The following TSC2 variants were observed in gnomAD, a reference collection of about 807,000 sequenced individuals.
The protein encoded by TSC2 is TSC complex subunit 2, also known as tuberin.
In TSC2, 29 loss-of-function variants were observed where a neutral mutation model predicts 202.2. That is an observed-to-expected ratio of 0.14 (90% CI 0.11 to 0.20). The LOEUF is 0.20. Ranked by LOEUF, TSC2 falls within the 10% of genes least tolerant of loss-of-function variation. TSC2 has a pLI of 1.00. For missense variants in TSC2, 2,429 were observed against 2,420.0 expected (o/e 1.00, Z -0.08); for synonymous variants, 1,349 against 1,044.0 (o/e 1.29, Z -5.63).
chr16:2,075,123 G>A (rs1239289382), intron 22 of TSC2: 1 of 156,484 alleles, frequency 6.4e-6, no homozygotes, highest in Non-Finnish European at 1.4e-5. Context: ...GGCTAAGGCA[G>A]GAGGCAGGAG....
In TSC2 at chr16:2,065,678, G is replaced by T. The variant is rs375113234; in HGVS notation, c.1716+43G>T. ...GGCCTCTGCTCCCGGGGCGCGCATG[G>T]CTAGCGTCCACCAGCTGCATCTGCG... On this transcript the variant is annotated intron_variant, in intron 16 of 41. Coordinates refer to ENST00000219476, the MANE Select transcript of TSC2 (RefSeq NM_000548.5). The T allele has an allele frequency of 5.9e-6, 9 of 1,533,164 alleles. No individual in the cohort carries two copies. The African/African-American group carries it at 1.2e-4, about 21-fold the overall frequency. 95.0% of individuals were successfully genotyped at this position (1,533,164 alleles called of 1,614,324 possible).
intron 9 of TSC2, among the ~76,000 whole-genome samples, chr16:2,057,454 C>A (rs60154230): frequency 6.6e-6 from 1 of 152,248 alleles, no homozygotes; most frequent in East Asian, 1.9e-4. Flanking sequence ...TAGCCTGTTA[C>A]AAGGCGAGGC....
rs1233400271 is a variant in TSC2 at position 2,081,625 on chromosome 16, A to G, written c.3641A>G (p.Asn1214Ser). 1 of 1,612,822 alleles carries G rather than the reference A, an allele frequency of 6.2e-7. No homozygotes were observed. Among genetic ancestry groups the G allele is most frequent in the Non-Finnish European group, 8.5e-7 (1 of 1,179,986 alleles). Reference protein sequence around the residue: ...GNTSWLMSLENPLSPFSSDIN... With the variant: ...GNTSWLMSLESPLSPFSSDIN... Reference sequence around the variant, plus strand: ...ACCAGCTGGCTGATGAGCCTGGAGAACCCGCTCAGCCCTTTCTCCTCGGAC... The same window carrying G: ...ACCAGCTGGCTGATGAGCCTGGAGAGCCCGCTCAGCCCTTTCTCCTCGGAC... Residue 1214 changes from asparagine (N) to serine (S), a missense_variant, in exon 31 of 42, where the codon AAC becomes AGC. Coordinates refer to ENST00000219476, the MANE Select transcript of TSC2 (RefSeq NM_000548.5).
chr16:2,082,137 C>T (rs1387326299), intron 31 of TSC2: 1 of 591,402 alleles, frequency 1.7e-6, no homozygotes, highest in Admixed American at 3.0e-5. Flanking sequence ...CTGAGCCCGC[C>T]TGCGCACTCT....
rs1280749336 is a variant in TSC2 at position 2,080,211 on chromosome 16, G to T, written c.3444G>T (p.Gln1148His). 2.5e-6 allele frequency: 4 copies of T among 1,612,884 alleles called. No homozygotes were observed. ...RVGALDVPASQFLGSATSPGP... is the reference protein window; with the variant it reads ...RVGALDVPASHFLGSATSPGP... ...GCGCCCTGGACGTGCCGGCCTCCCAGTTCCTGGGCAGTGCCACTTCTCCAG... is the reference window on the plus strand; with the variant it reads ...GCGCCCTGGACGTGCCGGCCTCCCATTTCCTGGGCAGTGCCACTTCTCCAG... Residue 1148 changes from glutamine to histidine, a missense_variant, in exon 30 of 42, where the codon CAG becomes CAT. Coordinates refer to ENST00000219476, the MANE Select transcript of TSC2 (RefSeq NM_000548.5).
intron 21 of TSC2, among the ~76,000 whole-genome samples, chr16:2,073,558 C>T (rs1442557476): frequency 6.6e-6 from 1 of 152,146 alleles, no homozygotes; most frequent in Non-Finnish European, 1.5e-5. Context: ...CCCCGGGCCT[C>T]AGCTTCTGAT....
chr16:2,061,340 GGCCGGGACTTC>G (rs768454066), intron 11 of TSC2: 11 of 286,260 alleles, frequency 3.8e-5, no homozygotes, highest in African/African-American at 6.5e-5. Context: ...GCAGAAGGGA[GGCCGGGACTTC>G]GCCGGGACTT....
At chr16:2,083,609 C>T in intron 32 of TSC2, 86 bp from the exon 33 acceptor site, 1 of 1,543,226 alleles carries the variant, frequency 6.5e-7, no homozygotes, top group South Asian at 1.2e-5. Flanking sequence ...TCCCTCTGGT[C>T]AGGAGAAGGC....
chr16:2,067,854 A>T (rs182835315), intron 16 of TSC2, among the ~76,000 whole-genome samples: 32 of 152,200 alleles, frequency 2.1e-4, no homozygotes, highest in African/African-American at 7.7e-4. Flanking sequence ...ACTGGTTGGG[A>T]AGGGGTGTGC....
intron 17 of TSC2, 75 bp from the exon 18 acceptor site, chr16:2,071,435 C>A: frequency 6.6e-7 from 1 of 1,522,444 alleles, no homozygotes; most frequent in Non-Finnish European, 9.0e-7. Flanking sequence ...GGACGTGGGT[C>A]TGAGCAGGTG....
At chr16:2,070,299 GGA>G (rs144616711) in intron 16 of TSC2, among the ~76,000 whole-genome samples, 155 bp from the exon 17 acceptor site, 1,729 of 152,302 alleles carry the variant, frequency 0.011, 31 homozygotes, top group African/African-American at 0.039. Context: ...TTGCTGCTGT[GGA>G]GAGAGAGTCC....
Position 2,083,678 on chromosome 16 carries a change from C to A in TSC2, c.3884-17C>A, listed in dbSNP as rs45517317. On this transcript the variant is annotated splice_polypyrimidine_tract_variant and intron_variant, in intron 32 of 41. Coordinates refer to ENST00000219476, the MANE Select transcript of TSC2 (RefSeq NM_000548.5). ...GGCCCAGCCCCACATCCAGCAGCCC[C>A]GTCTGTGTCCTCCCAGACTCCGCCG... 7 of 1,569,834 alleles carry A rather than the reference C, an allele frequency of 4.5e-6. No individual in the cohort carries two copies. The East Asian group carries it at 1.6e-4, about 37-fold the overall frequency.
rs759520580 is a variant in TSC2, at chr16:2,088,319, C to CCAGCGGGTAGGGAATATGGGGCTCCCT, written c.5259+2_5259+28dup. The CCAGCGGGTAGGGAATATGGGGCTCCCT allele has an allele frequency of 5.1e-5, 83 of 1,612,656 alleles. No individual in the cohort carries two copies. The highest frequency in any genetic ancestry group is 2.7e-4 in the Admixed American group (16 of 60,014). ...GGCTCCGCCACATCAAGCGGCTCCG[C>CCAGCGGGTAGGGAATATGGGGCTCCCT]CAGCGGGTAGGGAATATGGGGCTCC... On this transcript the variant is annotated inframe_insertion, in exon 41 of 42. Transcript: ENST00000219476.
chr16:2,064,613 T>TTTCAGTCAG, intron 15 of TSC2, 186 bp downstream of exon 15: 1 of 869,028 alleles, frequency 1.2e-6, no homozygotes, highest in Non-Finnish European at 1.8e-6. Context: ...ATTTGTGTCC[T>TTTCAGTCAG]GACTGAAAGT....
intron 16 of TSC2, among the ~76,000 whole-genome samples, chr16:2,069,690 C>T (rs1452091285): frequency 6.6e-6 from 1 of 152,216 alleles, no homozygotes; most frequent in Non-Finnish European, 1.5e-5. Context: ...CCATGTTAGC[C>T]AGGATGGTCT....
At position 2,079,289 on chromosome 16, in the gene TSC2, G is replaced by A. The variant is rs796053492; in HGVS notation, c.3145G>A (p.Glu1049Lys). The change falls in exon 28 of 42, where the codon GAG becomes AAG. Residue 1049 changes from glutamate to lysine, a missense_variant. Physicochemically the swap from Glu to Lys is moderately conservative, Grantham distance 56. Coordinates refer to ENST00000219476, the MANE Select transcript of TSC2 (RefSeq NM_000548.5). This position sits in a 1 kb window ranked among gnomAD's most constrained non-coding sequence, Gnocchi z 4.6. Reference sequence around the variant, plus strand: ...CCTGTCTTCTAGGTCTCCTGTGGGCGAGTTCCTCCTAGCGGGTGGCAGGAC... The same window carrying A: ...CCTGTCTTCTAGGTCTCCTGTGGGCAAGTTCCTCCTAGCGGGTGGCAGGAC... ...TAVPKRSPVG[E>K]FLLAGGRTKT... The A allele has an allele frequency of 1.1e-5, 18 of 1,612,844 alleles. No homozygotes were observed. Among genetic ancestry groups the A allele is most frequent in the South Asian group, 2.2e-5 (2 of 91,092 alleles).
In TSC2 at chr16:2,074,480, T is replaced by TG. The variant is rs397515216; in HGVS notation, c.2545+95dup. ...TCTGGTGCCCTCTCTCAGGACTCCT[T>TG]GGGGAACCTGGGTGTCTCGCCTTCT... On this transcript the variant is annotated intron_variant, in intron 22 of 41. Coordinates refer to ENST00000219476, the MANE Select transcript of TSC2 (RefSeq NM_000548.5). 17,482 of 1,491,804 alleles carry TG rather than the reference T, an allele frequency of 0.012. 1,725 individuals are homozygous for TG. The African/African-American group carries it at 0.21, about 18-fold the overall frequency. 92.4% of individuals were successfully genotyped at this position (1,491,804 alleles called of 1,614,324 possible).
At chr16:2,064,221 A>T in intron 14 of TSC2, 51 bp from the exon 15 acceptor site, 1 of 1,613,408 alleles carries the variant, frequency 6.2e-7, no homozygotes, top group Middle Eastern at 1.6e-4. Context: ...GTGTCACGAG[A>T]TGTGGCCCTC....
chr16:2,064,384 G>C lies in TSC2; in HGVS notation c.1556G>C (p.Cys519Ser). 6.2e-7 allele frequency: 1 copy of C among 1,613,746 alleles called. No homozygotes were observed. The highest frequency in any genetic ancestry group is 8.5e-7 in the Non-Finnish European group (1 of 1,180,024). ...TQLLVDLAEG[C>S]HTHHFNSLLD... ...TTGCTGGTGGACCTGGCAGAGGGCT[G>C]CCACACACACCACTTCAACAGCCTG... The change falls in exon 15 of 42, where the codon TGC becomes TCC. Residue 519 changes from cysteine to serine, a missense_variant. Transcript: ENST00000219476.
Sources: allele counts gnomAD v4.1 joint callset (sites outside exome capture counted in the v4.1 genomes callset), GRCh38; gene constraint gnomAD v4.1.1; non-coding constraint Gnocchi (gnomAD v3.1); transcripts MANE v1.5; gene names NCBI Gene and HGNC (gene_info 2026-07-23, HGNC 2026-07-21).